FBN2: variants seen among roughly 807,000 people sequenced by gnomAD.
FBN2 encodes the protein fibrillin-2.
Under a neutral mutation model 355.6 loss-of-function variants are expected in FBN2, and 105 were observed. The ratio of observed to expected loss-of-function variants is 0.30; its 90% CI spans 0.25 to 0.35. The LOEUF is 0.35. Among genes scored for constraint, FBN2 ranks in the 10% least tolerant of loss-of-function variants. The pLI, the probability that FBN2 is intolerant of heterozygous loss-of-function variation, is 1.00. For synonymous variants in FBN2, 1,350 were observed against 1,301.2 expected (o/e 1.04, Z -0.81); for missense variants, 3,280 against 3,758.7 (o/e 0.87, Z 3.33).
intron 55 of FBN2, among the ~76,000 whole-genome samples, chr5:128,284,858 G>C (rs1466954226): frequency 6.6e-6 from 1 of 152,166 alleles, no homozygotes. Flanking sequence ...TCACACTGCA[G>C]TGTAGAAATG....
rs1369772536 is a variant in FBN2 at position 128,273,946 on chromosome 5, T to A, written c.7734A>T (p.Gln2578His). The A allele has an allele frequency of 1.9e-6, 3 of 1,613,838 alleles. No individual in the cohort carries two copies. In the African/African-American group the frequency reaches 4.0e-5, roughly 22 times the overall value. The change falls in exon 61 of 65, where the codon CAA becomes CAT. Residue 2578 changes from glutamine (Q) to histidine (H), a missense_variant. By Grantham distance (24) the Gln-to-His change is conservative. Transcript: ENST00000262464. ...TTCCCTTTGCTCCACAAAGCGAAGG[T>A]TGAGACCCACATTCGTTGTTGTCTG... The part of the protein sequence containing the change: ...ACIDNNECGS[Q>H]PSLCGAKGIC...
At chr5:128,300,516 G>A (rs1749683270) in intron 48 of FBN2, among the ~76,000 whole-genome samples, 1 of 152,188 alleles carries the variant, frequency 6.6e-6, no homozygotes, top group Admixed American at 6.5e-5. Context: ...TACAATTTTT[G>A]TAGACACTCT....
At position 128,537,488 on chromosome 5, in the gene FBN2, C is replaced by G; in HGVS notation, c.116G>C (p.Arg39Pro). 6.3e-7 allele frequency: 1 copy of G among 1,592,484 alleles called. No individual in the cohort carries two copies. The highest frequency in any genetic ancestry group is 8.5e-7 in the Non-Finnish European group (1 of 1,171,820). ...AACCTGTTGCGGCGGCGGCTGGGGC[C>G]GGGGCGGCTTGGGCGGAGGAGGCTG... ...QPQPPPPKPP[R>P]PQPPPQQVRS... The change falls in exon 1 of 65, where the codon CGG becomes CCG. Residue 39 changes from arginine (R) to proline (P), a missense_variant. Coordinates refer to ENST00000262464, the MANE Select transcript of FBN2 (RefSeq NM_001999.4).
chr5:128,289,246 T>C lies in FBN2; in HGVS notation c.6518A>G (p.Asn2173Ser), dbSNP rs143054385. 17 of 1,613,998 alleles carry C rather than the reference T, an allele frequency of 1.1e-5. No individual in the cohort carries two copies. Among genetic ancestry groups the C allele is most frequent in the Admixed American group, 3.3e-5 (2 of 60,016 alleles). ...PSLHDTREDVNECLESPGICS... is the reference protein window; with the variant it reads ...PSLHDTREDVSECLESPGICS... Reference sequence around the variant, plus strand: ...AATGCCTGGGCTCTCAAGACACTCATTGACATCTAAAATATAGAACTGCAT... The same window carrying C: ...AATGCCTGGGCTCTCAAGACACTCACTGACATCTAAAATATAGAACTGCAT... The change falls in exon 52 of 65, where the codon AAT becomes AGT. Residue 2173 changes from asparagine (N) to serine (S), a missense_variant. Asn to Ser is a conservative substitution (Grantham distance 46). Around this residue, in one of 6 missense-constraint regions of FBN2, gnomAD observed 2,284 missense variants for 2,749.5 expected, o/e 0.83. Coordinates refer to ENST00000262464, the MANE Select transcript of FBN2 (RefSeq NM_001999.4).
intron 14 of FBN2, among the ~76,000 whole-genome samples, chr5:128,376,463 C>T (rs1039850102): frequency 6.6e-5 from 10 of 152,112 alleles, no homozygotes; most frequent in South Asian, 2.1e-4. Context: ...ATTATTTCTA[C>T]GTTGTTTTCC....
rs115314778 is a variant in FBN2 at position 128,385,439 on chromosome 5, T to C, written c.1604-6549A>G. Among the ~76,000 whole-genome samples the C allele has an allele frequency of 3.5e-3, 535 of 152,292 alleles. 7 individuals carry two copies. Among genetic ancestry groups the C allele is most frequent in the African/African-American group, 0.012 (502 of 41,564 alleles). On this transcript the variant is annotated intron_variant, in intron 11 of 64. Transcript: ENST00000262464. The stretch of plus-strand genomic sequence containing the variant: ...ATTCCATGGTGTCTATGTACCACAT[T>C]TTCTTTACTCAGTCCACCACTGATG...
intron 4 of FBN2, among the ~76,000 whole-genome samples, chr5:128,520,645 T>C (rs892843072): frequency 3.3e-5 from 5 of 152,220 alleles, no homozygotes; most frequent in African/African-American, 1.2e-4. Context: ...GAGTGATTTC[T>C]GTTCTGCTGA....
intron 11 of FBN2, among the ~76,000 whole-genome samples, chr5:128,389,916 A>G (rs1752466229): frequency 6.6e-6 from 1 of 152,104 alleles, no homozygotes; most frequent in Admixed American, 6.5e-5. Context: ...AGATCCTCTC[A>G]GAGTGTGCCA....
At chr5:128,358,683 G>T (rs535810450) in intron 19 of FBN2, among the ~76,000 whole-genome samples, 2 of 151,846 alleles carry the variant, frequency 1.3e-5, no homozygotes, top group Non-Finnish European at 2.9e-5. Flanking sequence ...ACATCAATCC[G>T]AGTAGAGAAA....
At chr5:128,382,877 T>TTTTTTTC (rs1752269879) in intron 11 of FBN2, among the ~76,000 whole-genome samples, 1 of 151,880 alleles carries the variant, frequency 6.6e-6, no homozygotes, top group Admixed American at 6.6e-5. Context: ...TTTGTTCCCA[T>TTTTTTTC]TTTTTTCATT....
chr5:128,278,101 T>C, intron 57 of FBN2, 96 bp from the exon 58 acceptor site: 17 of 1,128,248 alleles, frequency 1.5e-5, no homozygotes, highest in Non-Finnish European at 2.0e-5. Flanking sequence ...GGAGATGACA[T>C]AACTAACTGC....
At chr5:128,503,982 C>T (rs927366793) in intron 5 of FBN2, among the ~76,000 whole-genome samples, 2 of 152,146 alleles carry the variant, frequency 1.3e-5, no homozygotes, top group Non-Finnish European at 2.9e-5. Context: ...AGCCTTGGGA[C>T]ATAGTGCCCT....
chr5:128,368,489 C>CAT (rs1751842558), intron 16 of FBN2, among the ~76,000 whole-genome samples: 1 of 145,422 alleles, frequency 6.9e-6, no homozygotes, highest in South Asian at 2.1e-4. Flanking sequence ...TATATATACA[C>CAT]ATATATATAC....
intron 7 of FBN2, among the ~76,000 whole-genome samples, chr5:128,443,231 C>A (rs1448033936): frequency 1.3e-5 from 2 of 152,030 alleles, no homozygotes; most frequent in Admixed American, 6.5e-5. Context: ...TCAATGGCAA[C>A]CAAAGGAAAA....
chr5:128,452,967 T>C (rs1754292792), intron 6 of FBN2, among the ~76,000 whole-genome samples: 1 of 152,192 alleles, frequency 6.6e-6, no homozygotes, highest in African/African-American at 2.4e-5. Flanking sequence ...TCTGTAGATA[T>C]TCACACATAA....
rs866786593 is a variant in FBN2, at chr5:128,480,010, A to G, written c.629-15089T>C. Among the ~76,000 whole-genome samples, 307 of 78,594 alleles carry G rather than the reference A, an allele frequency of 3.9e-3. 1 individual carries two copies. The highest frequency in any genetic ancestry group is 5.1e-3 in the Non-Finnish European group (189 of 36,904). 51.6% of individuals were successfully genotyped at this position (78,594 alleles called of 152,430 possible). A position where few individuals can be genotyped will look rare whatever the true frequency, so the allele number is the denominator to read the frequency against. On this transcript the variant is annotated intron_variant, in intron 5 of 64. Coordinates refer to ENST00000262464, the MANE Select transcript of FBN2 (RefSeq NM_001999.4). Reference sequence around the variant, plus strand: ...TATATATATATATATATATATATATATATATATATATATGTATATACACAC... The same window carrying G: ...TATATATATATATATATATATATATGTATATATATATATGTATATACACAC...
rs140529948 is a variant in FBN2, at chr5:128,417,993, TAA to T, written c.953-9196_953-9195del. Among the ~76,000 whole-genome samples the T allele has an allele frequency of 6.4e-3, 977 of 152,310 alleles. 11 individuals carry two copies. The highest frequency in any genetic ancestry group is 0.022 in the African/African-American group (916 of 41,582). On this transcript the variant is annotated intron_variant, in intron 7 of 64. Coordinates refer to ENST00000262464, the MANE Select transcript of FBN2 (RefSeq NM_001999.4). The stretch of plus-strand genomic sequence containing the variant: ...TGTTGGGAGATGTTTTATTACTGAT[TAA>T]GTCTTATTGCTTATATTGGCTTGTT...
At chr5:128,483,064 A>G (rs1451479281) in intron 5 of FBN2, among the ~76,000 whole-genome samples, 1 of 152,224 alleles carries the variant, frequency 6.6e-6, no homozygotes, top group Non-Finnish European at 1.5e-5. Context: ...GAAGAAACAG[A>G]AAGCCAAATA....
chr5:128,484,724 G>T (rs1168980226), intron 5 of FBN2, among the ~76,000 whole-genome samples: 1 of 152,156 alleles, frequency 6.6e-6, no homozygotes, highest in Non-Finnish European at 1.5e-5. Flanking sequence ...TTTACCCTCT[G>T]TTCACAGTGG....
Sources: gnomAD v4.1 joint callset for allele counts (sites outside exome capture counted in the v4.1 genomes callset) on GRCh38, gnomAD v4.1.1 for gene constraint, gnomAD v4.1.1 regional missense constraint, MANE v1.5 for transcripts, NCBI Gene and HGNC (gene_info 2026-07-23, HGNC 2026-07-21) for gene names.